The following GYS1 variants were observed in gnomAD, a reference collection of about 807,000 sequenced individuals.
GYS1 encodes the protein glycogen [starch] synthase, muscle.
In GYS1, 60 loss-of-function variants were observed where a neutral mutation model predicts 89.1. The ratio of observed to expected loss-of-function variants is 0.67; its 90% CI spans 0.55 to 0.84. The LOEUF (loss-of-function observed/expected upper bound fraction) is 0.84, where lower values mean the gene tolerates loss of function less well. Ranked by LOEUF, GYS1 falls within the 40% of genes least tolerant of loss-of-function variation. GYS1 has a pLI of 0.00. For missense variants in GYS1, 888 were observed against 1,003.1 expected (o/e 0.89, Z 1.55); for synonymous variants, 366 against 401.7 (o/e 0.91, Z 1.06).
chr19:48,990,000 G>GA (rs201148467), intron 2 of GYS1, among the ~76,000 whole-genome samples: 2 of 131,262 alleles, frequency 1.5e-5, no homozygotes, highest in Non-Finnish European at 3.3e-5. Context: ...CCTTTTGCTG[G>GA]GGGGGGGGGG....
rs1358774755 is a variant in GYS1, at chr19:48,969,886, T to C, written c.1810-31A>G. On this transcript the variant is annotated intron_variant, in intron 14 of 15. Coordinates refer to ENST00000323798, the MANE Select transcript of GYS1 (RefSeq NM_002103.5). ...GGAAAGGAGGAGAGGGGGCAGAGGA[T>C]GTGAGAGCCAGGCCCCACCCCCAGG... is the stretch of plus-strand genomic sequence containing the variant. The C allele has an allele frequency of 3.3e-6, 5 of 1,531,878 alleles. No homozygotes were observed. In the African/African-American group the frequency reaches 5.5e-5, roughly 17 times the overall value. The allele number at this position is 1,531,878 out of a possible 1,614,324, so 94.9% of individuals were successfully genotyped here.
Position 48,968,371 on chromosome 19 carries a change from A to G in GYS1, c.*917T>C, listed in dbSNP as rs779254280. ...TCTGGATCATGGGAAAGGGATCAGT[A>G]TGCAGTAACGTGGTAAGGTTCCAGA... On this transcript the variant is annotated 3_prime_UTR_variant, in exon 16 of 16. Transcript: ENST00000323798. The G allele has an allele frequency of 2.2e-6, 1 of 454,508 alleles. No homozygotes were observed. Among genetic ancestry groups the G allele is most frequent in the Non-Finnish European group, 4.4e-6 (1 of 226,790 alleles). The allele number at this position is 454,508 out of a possible 1,614,324, so 28.2% of individuals were successfully genotyped here.
chr19:48,981,650 AAGG>A lies in GYS1; in HGVS notation c.1063-17_1063-15del. 1 of 1,551,334 alleles carries A rather than the reference AAGG, an allele frequency of 6.4e-7. No individual in the cohort carries two copies. Among genetic ancestry groups the A allele is most frequent in the Non-Finnish European group, 8.9e-7 (1 of 1,122,810 alleles). On this transcript the variant is annotated splice_polypyrimidine_tract_variant and intron_variant, in intron 7 of 15. Coordinates refer to ENST00000323798, the MANE Select transcript of GYS1 (RefSeq NM_002103.5). ...GCTGCCGTTCACCTGCGCAGAAAGA[AAGG>A]AGGGGGAGGCCAGGATCATGTGGGG...
chr19:48,986,950 C>T (rs963471095), intron 3 of GYS1, among the ~76,000 whole-genome samples: 5 of 152,236 alleles, frequency 3.3e-5, no homozygotes, highest in East Asian at 3.8e-4. Context: ...CGGGCAAGCC[C>T]GCCAGCCTCA....
Position 48,991,158 on chromosome 19 carries a change from G to A in GYS1, c.300+144C>T. ...ACTTCCAGGCCCTGCATCTGTCTGG[G>A]TGTCCTATCACGCCTCCTTCCTGTG... On this transcript the variant is annotated intron_variant, in intron 2 of 15. Coordinates refer to ENST00000323798, the MANE Select transcript of GYS1 (RefSeq NM_002103.5). This position sits in a 1 kb window ranked among gnomAD's most constrained non-coding sequence, Gnocchi z 4.7. The A allele has an allele frequency of 1.2e-6, 1 of 825,694 alleles. No individual in the cohort carries two copies. Among genetic ancestry groups the A allele is most frequent in the Non-Finnish European group, 2.0e-6 (1 of 498,310 alleles). The allele number at this position is 825,694 out of a possible 1,614,324, so 51.1% of individuals were successfully genotyped here. A position where few individuals can be genotyped will look rare whatever the true frequency, so the allele number is the denominator to read the frequency against.
In GYS1 at chr19:48,973,182, C is replaced by A. The variant is rs1466340623; in HGVS notation, c.1549+1031G>T. On this transcript the variant is annotated intron_variant, in intron 12 of 15. Coordinates refer to ENST00000323798, the MANE Select transcript of GYS1 (RefSeq NM_002103.5). ...TTTATAAATGTTCGTTTTTCCTGCA[C>A]CCTCACATACTTCTCCCTCCTGCCG... Among the ~76,000 whole-genome samples, 9 of 152,220 alleles carry A rather than the reference C, an allele frequency of 5.9e-5. No individual in the cohort carries two copies. In the East Asian group the frequency reaches 1.7e-3, roughly 29 times the overall value.
In GYS1 at chr19:48,981,624, C is replaced by T. The variant is rs778215783; in HGVS notation, c.1075G>A (p.Glu359Lys). The stretch of plus-strand genomic sequence containing the variant: ...ATGAAGAAGGCAACCACTGTCTGCT[C>T]GCTGCCGTTCACCTGCGCAGAAAGA... ...LNYLLRVNGS[E>K]QTVVAFFIMP... Residue 359 changes from glutamate to lysine, a missense_variant, in exon 8 of 16, where the codon GAG becomes AAG. Transcript: ENST00000323798. 2.9e-5 allele frequency: 47 copies of T among 1,609,730 alleles called. No individual in the cohort carries two copies. The highest frequency in any genetic ancestry group is 4.0e-5 in the African/African-American group (3 of 74,906).
chr19:48,968,892 C>A lies in GYS1; in HGVS notation c.*396G>T. ...TGGTGGCCCGCATGCCGGGCCTGAGCGTGGCCTGCTCTGTATGCTGTAGAA... is the reference window on the plus strand; with the variant it reads ...TGGTGGCCCGCATGCCGGGCCTGAGAGTGGCCTGCTCTGTATGCTGTAGAA... On this transcript the variant is annotated 3_prime_UTR_variant, in exon 16 of 16. Coordinates refer to ENST00000323798, the MANE Select transcript of GYS1 (RefSeq NM_002103.5). 1 of 476,740 alleles carries A rather than the reference C, an allele frequency of 2.1e-6. No individual in the cohort carries two copies. Among genetic ancestry groups the A allele is most frequent in the Non-Finnish European group, 4.1e-6 (1 of 242,534 alleles). The allele number at this position is 476,740 out of a possible 1,614,324, so 29.5% of individuals were successfully genotyped here.
In GYS1 at chr19:48,970,941, G is replaced by C. The variant is rs1452203953; in HGVS notation, c.1632C>G (p.Asp544Glu). ...CTGGGCGCTGACCGTAAGCTGAGGG[G>C]TCTGCGATGTGTTCCTCCATGAAGC... ...FGCFMEEHIA[D>E]PSAYGIYILD... Residue 544 changes from aspartate to glutamate, a missense_variant, in exon 13 of 16, where the codon GAC (aspartate) becomes GAG (glutamate). By Grantham distance (45) the Asp-to-Glu change is conservative. Coordinates refer to ENST00000323798, the MANE Select transcript of GYS1 (RefSeq NM_002103.5). The C allele has an allele frequency of 6.2e-7, 1 of 1,612,826 alleles. No homozygotes were observed. The highest frequency in any genetic ancestry group is 8.5e-7 in the Non-Finnish European group (1 of 1,178,824).
intron 5 of GYS1, among the ~76,000 whole-genome samples, chr19:48,983,683 C>T (rs962819594): frequency 6.6e-6 from 1 of 152,080 alleles, no homozygotes; most frequent in South Asian, 2.1e-4. Flanking sequence ...TAGTTCTCAC[C>T]TTATACTCAC....
chr19:48,970,082 C>T (rs1347182624), intron 14 of GYS1, among the ~76,000 whole-genome samples: 1 of 152,148 alleles, frequency 6.6e-6, no homozygotes, highest in Non-Finnish European at 1.5e-5. Flanking sequence ...AGTGAGTCTC[C>T]TCTTTGGCCA....
chr19:48,984,463 T>G (rs1213450564), intron 5 of GYS1, among the ~76,000 whole-genome samples: 1 of 150,090 alleles, frequency 6.7e-6, no homozygotes, highest in Non-Finnish European at 1.5e-5. Flanking sequence ...TGGTGTGATC[T>G]CGGCCCACTG....
At chr19:48,980,486 G>A (rs1334384093) in intron 8 of GYS1, among the ~76,000 whole-genome samples, 4 of 150,396 alleles carry the variant, frequency 2.7e-5, no homozygotes, top group South Asian at 2.1e-4. Flanking sequence ...AAATCCCATC[G>A]GTGCTAAAAA....
intron 6 of GYS1, 92 bp from the exon 7 acceptor site, chr19:48,982,467 G>A (rs1040232366): frequency 1.4e-5 from 20 of 1,455,892 alleles, no homozygotes; most frequent in Non-Finnish European, 1.7e-5. Flanking sequence ...TGGGTGGGGG[G>A]GCAGAGGATG....
In GYS1 at chr19:48,982,240, T is replaced by C. The variant is rs747990092; in HGVS notation, c.1062+15A>G. ...TTTGCTTGCCCTCCCTGTCCCCTCATAGCCCAGGCCTCACTCTGAGCAGAT... is the reference window on the plus strand; with the variant it reads ...TTTGCTTGCCCTCCCTGTCCCCTCACAGCCCAGGCCTCACTCTGAGCAGAT... On this transcript the variant is annotated intron_variant, in intron 7 of 15. Transcript: ENST00000323798. The C allele has an allele frequency of 1.2e-6, 2 of 1,612,786 alleles. No homozygotes were observed.
At chr19:48,986,347 C>T (rs1490809587) in intron 3 of GYS1, among the ~76,000 whole-genome samples, 2 of 152,082 alleles carry the variant, frequency 1.3e-5, no homozygotes, top group African/African-American at 4.8e-5. Context: ...GTTCCCAGGT[C>T]CTGGACATAG....
chr19:48,969,093 AC>A lies in GYS1; in HGVS notation c.*194del. The A allele has an allele frequency of 1.6e-6, 1 of 638,958 alleles. No individual in the cohort carries two copies. Among genetic ancestry groups the A allele is most frequent in the Non-Finnish European group, 2.8e-6 (1 of 362,188 alleles). 39.6% of individuals were successfully genotyped at this position (638,958 alleles called of 1,614,324 possible). A position where few individuals can be genotyped will look rare whatever the true frequency, so the allele number is the denominator to read the frequency against. ...GCATATTCTGGAGCCAGAGAAAGGC[AC>A]GGCTTTGTGGATTCTGGAGTGCAGG... On this transcript the variant is annotated 3_prime_UTR_variant, in exon 16 of 16. Coordinates refer to ENST00000323798, the MANE Select transcript of GYS1 (RefSeq NM_002103.5).
intron 8 of GYS1, 25 bp from the exon 9 acceptor site, chr19:48,978,182 C>A: frequency 6.3e-7 from 1 of 1,583,360 alleles, no homozygotes; most frequent in South Asian, 1.1e-5. Flanking sequence ...GCAACAGGGT[C>A]ACATACACAC....
chr19:48,975,071 C>T (rs1259639139), intron 10 of GYS1, among the ~76,000 whole-genome samples: 2 of 152,080 alleles, frequency 1.3e-5, no homozygotes, highest in Non-Finnish European at 2.9e-5. Flanking sequence ...GCTGGAACTA[C>T]AGGCGCCTAC....
Sources: allele counts gnomAD v4.1 joint callset (sites outside exome capture counted in the v4.1 genomes callset), GRCh38; gene constraint gnomAD v4.1.1; non-coding constraint Gnocchi (gnomAD v3.1); transcripts MANE v1.5; gene names NCBI Gene and HGNC (gene_info 2026-07-23, HGNC 2026-07-21).